Variants in KCNAB1 observed in about 807,000 individuals in gnomAD.
The protein encoded by KCNAB1 is voltage-gated potassium channel subunit beta-1.
In KCNAB1, 35 loss-of-function variants were observed where a neutral mutation model predicts 64.6. The observed-to-expected ratio is 0.54, with a 90% confidence interval of 0.41 to 0.72. KCNAB1 has a LOEUF of 0.72. KCNAB1 is among the 30% of genes least tolerant of loss of function. The pLI, the probability that KCNAB1 is intolerant of heterozygous loss-of-function variation, is 0.00. For missense variants in KCNAB1, 401 were observed against 512.9 expected (o/e 0.78, Z 2.11); for synonymous variants, 177 against 183.8 (o/e 0.96, Z 0.30).
intron 1 of KCNAB1, among the ~76,000 whole-genome samples, chr3:156,304,071 G>T (rs1449508544): frequency 6.6e-6 from 1 of 152,116 alleles, no homozygotes; most frequent in Non-Finnish European, 1.5e-5. Flanking sequence ...AAAGTATTTG[G>T]CCTTACTTTA....
chr3:156,420,958 C>CAT (rs149257099), intron 1 of KCNAB1, among the ~76,000 whole-genome samples: 1,776 of 149,646 alleles, frequency 0.012, 35 homozygotes, highest in African/African-American at 0.042. Flanking sequence ...CACACACACA[C>CAT]ATATATATGT....
intron 1 of KCNAB1, among the ~76,000 whole-genome samples, chr3:156,249,043 T>G (rs951281194): frequency 6.6e-6 from 1 of 152,058 alleles, no homozygotes. Flanking sequence ...TTTTTTTAAT[T>G]TTTTAATTTT....
intron 1 of KCNAB1, among the ~76,000 whole-genome samples, chr3:156,201,802 G>C (rs1441710560): frequency 6.6e-6 from 1 of 152,212 alleles, no homozygotes; most frequent in African/African-American, 2.4e-5. Context: ...AGTGGCATGT[G>C]GGAGGCTGCG....
chr3:156,277,477 T>C (rs769267464), intron 1 of KCNAB1, among the ~76,000 whole-genome samples: 5 of 152,170 alleles, frequency 3.3e-5, no homozygotes, highest in Admixed American at 1.3e-4. Flanking sequence ...CAAAACACAT[T>C]AAGATGAGGT....
chr3:156,263,427 A>C (rs1718535213), intron 1 of KCNAB1, among the ~76,000 whole-genome samples: 1 of 151,960 alleles, frequency 6.6e-6, no homozygotes. Flanking sequence ...AATGTTTGAA[A>C]ATTTCCTAGT....
chr3:156,288,116 T>C (rs62287663), intron 1 of KCNAB1, among the ~76,000 whole-genome samples: 9,471 of 152,284 alleles, frequency 0.062, 325 homozygotes, highest in African/African-American at 0.089. Context: ...GCTTTTGTCC[T>C]TGGCTTATAG....
chr3:156,362,997 G>A (rs1469558987), intron 1 of KCNAB1, among the ~76,000 whole-genome samples: 1 of 152,220 alleles, frequency 6.6e-6, no homozygotes, highest in African/African-American at 2.4e-5. Context: ...TCAGGATGCT[G>A]CCTCCAGAGC....
intron 1 of KCNAB1, among the ~76,000 whole-genome samples, chr3:156,345,515 T>A (rs1201811622): frequency 6.6e-6 from 1 of 152,180 alleles, no homozygotes; most frequent in Non-Finnish European, 1.5e-5. Flanking sequence ...TTCAAGGCAA[T>A]GAGAATGAGA....
intron 11 of KCNAB1, among the ~76,000 whole-genome samples, chr3:156,518,461 G>GAAAGAGAAAGA (rs1717703927): frequency 6.7e-6 from 1 of 149,906 alleles, no homozygotes; most frequent in East Asian, 1.9e-4. Flanking sequence ...AAGAGAAAGA[G>GAAAGAGAAAGA]AAAGAAAAGA....
chr3:156,534,298 G>T (rs1718897976), intron 13 of KCNAB1, among the ~76,000 whole-genome samples: 1 of 152,196 alleles, frequency 6.6e-6, no homozygotes, highest in Admixed American at 6.5e-5. Context: ...ACGTGCCTAA[G>T]ATGTGCAGGA....
intron 1 of KCNAB1, among the ~76,000 whole-genome samples, chr3:156,133,067 C>T (rs536529008): frequency 1.1e-3 from 168 of 152,184 alleles, no homozygotes; most frequent in Admixed American, 2.6e-3. Context: ...AGGTACATTT[C>T]GTAGCTTAGT....
At chr3:156,515,245 G>A in intron 10 of KCNAB1, 25 bp downstream of exon 10, 1 of 1,583,890 alleles carries the variant, frequency 6.3e-7, no homozygotes. Context: ...AAAAGCTACT[G>A]AGTATTTTTA....
chr3:156,387,014 C>CTCT lies in KCNAB1; in HGVS notation c.276-34601_276-34600insCTT, dbSNP rs60888308. Among the ~76,000 whole-genome samples, 106 of 90,530 alleles carry CTCT rather than the reference C, an allele frequency of 1.2e-3. 2 individuals carry two copies. The highest frequency in any genetic ancestry group is 2.9e-3 in the African/African-American group (53 of 18,386). 59.4% of individuals were successfully genotyped at this position (90,530 alleles called of 152,430 possible). A position where few individuals can be genotyped will look rare whatever the true frequency, so the allele number is the denominator to read the frequency against. ...TCTTGCTTGCTTGCTTTCTCTCTCT[C>CTCT]TTTTTTTTTTTTTTTTTTTTGCCTG... On this transcript the variant is annotated intron_variant, in intron 1 of 13. Transcript: ENST00000490337.
chr3:156,123,123 G>A (rs1295515364), intron 1 of KCNAB1, among the ~76,000 whole-genome samples: 1 of 152,168 alleles, frequency 6.6e-6, no homozygotes, highest in Non-Finnish European at 1.5e-5. Flanking sequence ...TGGCCCATGA[G>A]TGATATCTCC....
intron 1 of KCNAB1, among the ~76,000 whole-genome samples, chr3:156,224,676 A>G (rs1022051412): frequency 3.9e-5 from 6 of 152,258 alleles, no homozygotes; most frequent in African/African-American, 1.4e-4. Context: ...TTGATAGACC[A>G]TTAGAGAGAT....
chr3:156,385,582 A>G (rs1168023419), intron 1 of KCNAB1, among the ~76,000 whole-genome samples: 2 of 152,226 alleles, frequency 1.3e-5, no homozygotes, highest in African/African-American at 4.8e-5. Flanking sequence ...CAGTTACCTA[A>G]TTTAGAAGAA....
chr3:156,456,099 T>C (rs1379676404), intron 3 of KCNAB1: 1 of 152,216 alleles, frequency 6.6e-6, no homozygotes, highest in South Asian at 2.1e-4. Context: ...GGTCAGATGA[T>C]TTGCCTACGT....
Position 156,171,762 on chromosome 3 carries a change from A to G in KCNAB1, c.275+50876A>G, listed in dbSNP as rs548184518. Among the ~76,000 whole-genome samples the G allele has an allele frequency of 3.0e-4, 46 of 152,348 alleles. 1 individual carries two copies. In the South Asian group the frequency reaches 9.1e-3, roughly 30 times the overall value. On this transcript the variant is annotated intron_variant, in intron 1 of 13. Transcript: ENST00000490337. ...TACATGGCCTCTAATCTCTAAGTAC[A>G]TAACCAACTCTCTTCTCTGGACAGT...
intron 13 of KCNAB1, among the ~76,000 whole-genome samples, chr3:156,535,015 CA>C (rs150665152): frequency 5.1e-4 from 74 of 143,742 alleles, no homozygotes; most frequent in East Asian, 2.4e-3. Flanking sequence ...GTATTTTAGA[CA>C]AAAAAAAAAA....
Sources: gnomAD v4.1 joint callset for allele counts (sites outside exome capture counted in the v4.1 genomes callset) on GRCh38, gnomAD v4.1.1 for gene constraint, MANE v1.5 for transcripts, NCBI Gene and HGNC (gene_info 2026-07-23, HGNC 2026-07-21) for gene names.